BCL9: variants seen among roughly 807,000 people sequenced by gnomAD.
The protein encoded by BCL9 is B-cell CLL/lymphoma 9 protein.
In BCL9, 25 loss-of-function variants were observed where a neutral mutation model predicts 88.5. The ratio of observed to expected loss-of-function variants is 0.28; its 90% CI spans 0.21 to 0.39. The LOEUF is 0.39. BCL9 is among the 10% of genes least tolerant of loss of function. BCL9 has a pLI of 1.00. For missense variants in BCL9, 1,817 were observed against 1,877.8 expected (o/e 0.97, Z 0.60); for synonymous variants, 711 against 673.3 (o/e 1.06, Z -0.87).
Position 147,618,922 on chromosome 1 carries a change from C to G in BCL9, c.767C>G (p.Pro256Arg). The G allele has an allele frequency of 6.2e-7, 1 of 1,613,962 alleles. No individual in the cohort carries two copies. The highest frequency in any genetic ancestry group is 8.5e-7 in the Non-Finnish European group (1 of 1,179,898). ...TCTTCCCAGAATACCAGACTGCAGCCAACTCCACCCATTCCGGCACCAGCA... is the reference window on the plus strand; with the variant it reads ...TCTTCCCAGAATACCAGACTGCAGCGAACTCCACCCATTCCGGCACCAGCA... ...QNSSQNTRLQ[P>R]TPPIPAPAPK... The change falls in exon 8 of 10, where the codon CCA becomes CGA. Residue 256 changes from proline (P) to arginine (R), a missense_variant. By Grantham distance (103) the Pro-to-Arg change is moderately radical. Transcript: ENST00000234739.
intron 1 of BCL9, among the ~76,000 whole-genome samples, chr1:147,593,128 C>CAA (rs1428754306): frequency 1.3e-5 from 2 of 152,182 alleles, no homozygotes; most frequent in African/African-American, 4.8e-5. Flanking sequence ...GTGTGCAGGG[C>CAA]ACTGCACGAG....
chr1:147,586,759 CCCTCT>C (rs1255148846), intron 1 of BCL9, among the ~76,000 whole-genome samples: 1 of 152,156 alleles, frequency 6.6e-6, no homozygotes, highest in Non-Finnish European at 1.5e-5. Context: ...GCTCTCAGCC[CCCTCT>C]CCACCTGTAG....
intron 1 of BCL9, among the ~76,000 whole-genome samples, chr1:147,588,461 T>A (rs1656712699): frequency 6.6e-6 from 1 of 152,012 alleles, no homozygotes; most frequent in Non-Finnish European, 1.5e-5. Flanking sequence ...AAATATGAAA[T>A]AAGGTGAAAC....
At chr1:147,566,056 G>A (rs988758070) in intron 1 of BCL9, among the ~76,000 whole-genome samples, 3 of 152,150 alleles carry the variant, frequency 2.0e-5, no homozygotes, top group Non-Finnish European at 4.4e-5. Flanking sequence ...AGGGCACAGT[G>A]TACCTAACAG....
At chr1:147,574,694 T>C (rs1553197882) in intron 1 of BCL9, among the ~76,000 whole-genome samples, 1 of 152,198 alleles carries the variant, frequency 6.6e-6, no homozygotes, top group African/African-American at 2.4e-5. Context: ...TGTTACAATA[T>C]TGTAATTAAA....
At position 147,543,208 on chromosome 1, in the gene BCL9, G is replaced by C. The variant is rs936722221; in HGVS notation, c.-478+1534G>C. On this transcript the variant is annotated intron_variant, in intron 1 of 9. Coordinates refer to ENST00000234739, the MANE Select transcript of BCL9 (RefSeq NM_004326.4). ...TGTTCCTACACATTGATTGTTTAAA[G>C]GCTCTCAGTTGTAGCTCTCTCTGAA... Among the ~76,000 whole-genome samples the C allele has an allele frequency of 3.9e-5, 6 of 152,268 alleles. 2 individuals carry two copies. The highest frequency in any genetic ancestry group is 1.9e-4 in the East Asian group (1 of 5,188).
chr1:147,550,114 C>A (rs1654817617), intron 1 of BCL9, among the ~76,000 whole-genome samples: 1 of 151,936 alleles, frequency 6.6e-6, no homozygotes, highest in South Asian at 2.1e-4. Flanking sequence ...TAACCCAACT[C>A]ATCTTTTCAC....
chr1:147,573,153 T>C (rs1655958211), intron 1 of BCL9, among the ~76,000 whole-genome samples: 1 of 152,162 alleles, frequency 6.6e-6, no homozygotes, highest in Non-Finnish European at 1.5e-5. Context: ...ATGAATATTG[T>C]TAAAAACAAG....
At chr1:147,615,750 G>A in intron 6 of BCL9, 53 bp from the exon 7 acceptor site, 3 of 1,444,824 alleles carry the variant, frequency 2.1e-6, no homozygotes, top group South Asian at 2.3e-5. Flanking sequence ...TGGAATTACA[G>A]TTAGTGAAAT....
chr1:147,625,090 G>A lies in BCL9; in HGVS notation c.*131G>A, dbSNP rs1438339961. The stretch of plus-strand genomic sequence containing the variant: ...GAACAGAGACCCGAGGGCTGCTTTG[G>A]GGGAGGGGGGAACTCGAGAATGTAT... On this transcript the variant is annotated 3_prime_UTR_variant, in exon 10 of 10. Transcript: ENST00000234739. The A allele has an allele frequency of 3.6e-6, 4 of 1,110,052 alleles. No individual in the cohort carries two copies. The South Asian group carries it at 6.5e-5, about 18-fold the overall frequency. 68.8% of individuals were successfully genotyped at this position (1,110,052 alleles called of 1,614,324 possible). A position where few individuals can be genotyped will look rare whatever the true frequency, so the allele number is the denominator to read the frequency against.
chr1:147,571,917 TGA>T (rs1201942622), intron 1 of BCL9, among the ~76,000 whole-genome samples: 2 of 152,144 alleles, frequency 1.3e-5, no homozygotes, highest in African/African-American at 4.8e-5. Context: ...ATACGTTTAT[TGA>T]GCACCTACTA....
At position 147,558,153 on chromosome 1, in the gene BCL9, T is replaced by C. The variant is rs115343664; in HGVS notation, c.-478+16479T>C. 1.5e-3 allele frequency among the ~76,000 whole-genome samples: 230 copies of C among 152,216 alleles called. 1 individual carries two copies. Among genetic ancestry groups the C allele is most frequent in the African/African-American group, 5.3e-3 (221 of 41,512 alleles). On this transcript the variant is annotated intron_variant, in intron 1 of 9. Coordinates refer to ENST00000234739, the MANE Select transcript of BCL9 (RefSeq NM_004326.4). ...ACAACCCTTAAACTAAGTAATAATA[T>C]GGGTAGATGAAAAAAGTGAGGCTTG...
chr1:147,601,280 C>G (rs1448394581), intron 1 of BCL9, among the ~76,000 whole-genome samples: 1 of 152,078 alleles, frequency 6.6e-6, no homozygotes, highest in African/African-American at 2.4e-5. Flanking sequence ...AGTGGAGAGT[C>G]TGTAAGATGG....
At chr1:147,570,871 G>A (rs1326439770) in intron 1 of BCL9, among the ~76,000 whole-genome samples, 1 of 152,010 alleles carries the variant, frequency 6.6e-6, no homozygotes, top group African/African-American at 2.4e-5. Flanking sequence ...CTGACCTCAG[G>A]TGATCTGCCT....
Position 147,548,979 on chromosome 1 carries a change from C to CTTTTTT in BCL9, c.-478+7317_-478+7322dup, listed in dbSNP as rs72473603. On this transcript the variant is annotated intron_variant, in intron 1 of 9. Coordinates refer to ENST00000234739, the MANE Select transcript of BCL9 (RefSeq NM_004326.4). ...TCAAATTCTCTCCTTTTCTTTCTTT[C>CTTTTTT]TTTTTTTTTTTTTTTTTGACTGAGT... is the stretch of plus-strand genomic sequence containing the variant. 5.4e-4 allele frequency among the ~76,000 whole-genome samples: 60 copies of CTTTTTT among 111,308 alleles called. 5 individuals are homozygous for CTTTTTT. The highest frequency in any genetic ancestry group is 1.3e-3 in the African/African-American group (38 of 30,382). 73.0% of individuals were successfully genotyped at this position (111,308 alleles called of 152,430 possible).
chr1:147,552,179 C>G (rs1157972246), intron 1 of BCL9, among the ~76,000 whole-genome samples: 1 of 152,158 alleles, frequency 6.6e-6, no homozygotes, highest in Non-Finnish European at 1.5e-5. Context: ...TTGGGGAACA[C>G]TTCATGAAGG....
chr1:147,568,360 A>C (rs1294341559), intron 1 of BCL9, among the ~76,000 whole-genome samples: 1 of 152,178 alleles, frequency 6.6e-6, no homozygotes, highest in Admixed American at 6.5e-5. Context: ...ATGGAATTAC[A>C]AAGTTTTGAG....
chr1:147,610,064 A>G (rs1657920139), intron 3 of BCL9, among the ~76,000 whole-genome samples: 1 of 151,628 alleles, frequency 6.6e-6, no homozygotes, highest in East Asian at 1.9e-4. Context: ...TGCAGGATTC[A>G]TTTTCTACTT....
rs1553206039 is a variant in BCL9, at chr1:147,624,290, C to T, written c.3612C>T (p.Phe1204=). Residue 1204 remains phenylalanine (F), a synonymous_variant, in exon 10 of 10, where the codon TTC becomes TTT. Transcript: ENST00000234739. The surrounding 1 kb of genome is among the most constrained non-coding windows in gnomAD (Gnocchi z 4.4). ...GAGGCCCCGGGGGTCCTGACTCCTTCACTGTCCTGGGGAACAGCATGCCTT... is the reference window on the plus strand; with the variant it reads ...GAGGCCCCGGGGGTCCTGACTCCTTTACTGTCCTGGGGAACAGCATGCCTT... ...KPGGPGGPDS[F]TVLGNSMPSV... is the part of the protein sequence containing the mutation. The T allele has an allele frequency of 6.2e-7, 1 of 1,614,158 alleles. No individual in the cohort carries two copies. The highest frequency in any genetic ancestry group is 1.1e-5 in the South Asian group (1 of 91,084).
Sources: gnomAD v4.1 joint callset for allele counts (sites outside exome capture counted in the v4.1 genomes callset) on GRCh38, gnomAD v4.1.1 for gene constraint, Gnocchi (gnomAD v3.1) non-coding constraint, MANE v1.5 for transcripts, NCBI Gene and HGNC (gene_info 2026-07-23, HGNC 2026-07-21) for gene names.